LRRC9: variants seen among roughly 807,000 people sequenced by gnomAD.
The protein encoded by LRRC9 is leucine-rich repeat-containing protein 9.
In LRRC9, 122 loss-of-function variants were observed where a neutral mutation model predicts 63.2. The observed-to-expected ratio is 1.93, with a 90% CI of 1.67 to 2.24. LRRC9 has a LOEUF of 2.24. Ranked by LOEUF, LRRC9 falls within the 30% of genes most tolerant of loss-of-function variation. The probability of loss-of-function intolerance (pLI) is 0.00; values close to 1 mark genes in which losing one functional copy is unlikely to be tolerated. For synonymous variants in LRRC9, 366 were observed against 213.1 expected, an observed-to-expected ratio of 1.72 and a Z score of -6.25; for missense variants, 1,071 against 627.7, an observed-to-expected ratio of 1.71 and a Z score of -7.55.
chr14:59,939,435 T>C (rs959596488), intron 7 of LRRC9, among the ~76,000 whole-genome samples: 2 of 151,946 alleles, frequency 1.3e-5, no homozygotes, highest in African/African-American at 4.8e-5. Context: ...GGGACTAAGA[T>C]GACTTATGTT....
At chr14:59,997,578 T>C in intron 17 of LRRC9, 78 bp from the exon 18 acceptor site, 1 of 603,610 alleles carries the variant, frequency 1.7e-6, no homozygotes, top group Non-Finnish European at 3.0e-6. Flanking sequence ...GTAAAGTATG[T>C]AAAGAACCAC....
rs151142769 is a variant in LRRC9, at chr14:60,001,116, G to A, written c.2530-850G>A. 4.9e-3 allele frequency among the ~76,000 whole-genome samples: 747 copies of A among 152,190 alleles called. 13 individuals carry two copies. The highest frequency in any genetic ancestry group is 0.017 in the African/African-American group (707 of 41,536). ...GTTGTTGCAAGAATATGAAGTAAAA[G>A]TGTAATTTTTCTGAAGTGGTACAAC... On this transcript the variant is annotated intron_variant, in intron 19 of 31. Coordinates refer to ENST00000445360, the Ensembl canonical transcript of LRRC9.
chr14:59,979,874 G>A (rs1886741810), intron 15 of LRRC9, among the ~76,000 whole-genome samples: 1 of 150,684 alleles, frequency 6.6e-6, no homozygotes, highest in South Asian at 2.1e-4. Context: ...GCTAAATGAC[G>A]AGTTAATGGG....
intron 23 of LRRC9, among the ~76,000 whole-genome samples, chr14:60,009,808 G>C (rs550226992): frequency 1.3e-5 from 2 of 152,294 alleles, no homozygotes; most frequent in East Asian, 3.9e-4. Context: ...TTCCAAATGG[G>C]AGAAATGGGC....
At position 60,053,193 on chromosome 14, in the gene LRRC9, A is replaced by G; in HGVS notation, c.4119A>G (p.Ala1373=). The change falls in exon 30 of 32, where the codon GCA becomes GCG. Residue 1373 remains alanine, a synonymous_variant. Coordinates refer to ENST00000445360, the Ensembl canonical transcript of LRRC9. The surrounding 1 kb of genome is among the most constrained non-coding windows in gnomAD (Gnocchi z 4.8). ...AATTTCACCTCGCTGAACTACAAGC[A>G]AAGAAAAACTCGGTAATAATTATAT... The G allele has an allele frequency of 2.9e-6, 2 of 698,992 alleles. No homozygotes were observed. The highest frequency in any genetic ancestry group is 5.2e-6 in the Non-Finnish European group (2 of 383,220). 43.3% of individuals were successfully genotyped at this position (698,992 alleles called of 1,614,324 possible).
Position 59,964,032 on chromosome 14 carries a change from T to C in LRRC9, c.1212-2557T>C, listed in dbSNP as rs1028459800. 2.6e-5 allele frequency among the ~76,000 whole-genome samples: 4 copies of C among 152,200 alleles called. No individual in the cohort carries two copies. The highest frequency in any genetic ancestry group is 2.1e-4 in the South Asian group (1 of 4,834). ...ATTGATATATATCATTGTGAATGTT[T>C]ATACCTTCAAGTACCACTGAATGAA... On this transcript the variant is annotated intron_variant, in intron 10 of 31. Transcript: ENST00000445360. This position sits in a 1 kb window ranked among gnomAD's most constrained non-coding sequence, Gnocchi z 4.4.
rs1025285250 is a variant in LRRC9, at chr14:60,021,030, T to C, written c.3567-1704T>C. ...ACCTATGAGTGGAATGGTTGGGTCA[T>C]ACAGTAACTTAACATTTAGCTATTT... On this transcript the variant is annotated intron_variant, in intron 26 of 31. Coordinates refer to ENST00000445360, the Ensembl canonical transcript of LRRC9. 2.0e-5 allele frequency among the ~76,000 whole-genome samples: 3 copies of C among 151,954 alleles called. No homozygotes were observed. In the East Asian group the frequency reaches 5.8e-4, roughly 29 times the overall value.
rs927426494 is a variant in LRRC9 at position 60,042,787 on chromosome 14, C to T, written c.3991-10278C>T. 4.6e-5 allele frequency among the ~76,000 whole-genome samples: 7 copies of T among 152,178 alleles called. No individual in the cohort carries two copies. Among genetic ancestry groups the T allele is most frequent in the Non-Finnish European group, 7.4e-5 (5 of 68,024 alleles). ...AGCCCCAGTGAGATGAACACAGTAC[C>T]TCAGTTGGAAATGCAGAAATCACCC... On this transcript the variant is annotated intron_variant, in intron 29 of 31. Transcript: ENST00000445360. The surrounding 1 kb of genome is among the most constrained non-coding windows in gnomAD (Gnocchi z 4.2).
At chr14:60,002,726 G>A (rs186108050) in intron 20 of LRRC9, among the ~76,000 whole-genome samples, 141 of 152,270 alleles carry the variant, frequency 9.3e-4, no homozygotes, top group Middle Eastern at 3.4e-3. Context: ...CCTTGACTGC[G>A]TTCGCCACAG....
chr14:59,931,018 AG>A lies in LRRC9; in HGVS notation c.370del (p.Val124PhefsTer4). The A allele has an allele frequency of 2.3e-6, 1 of 436,730 alleles. No individual in the cohort carries two copies. The highest frequency in any genetic ancestry group is 4.1e-6 in the Non-Finnish European group (1 of 241,218). 27.1% of individuals were successfully genotyped at this position (436,730 alleles called of 1,614,324 possible). A position where few individuals can be genotyped will look rare whatever the true frequency, so the allele number is the denominator to read the frequency against. Reference sequence around the variant, plus strand: ...AATTTAGAGAAATTAATCAAATTGAAGGTTCTTTGGCTGAACCACAATACAA... The same window carrying A: ...AATTTAGAGAAATTAATCAAATTGAAGTTCTTTGGCTGAACCACAATACAA... On this transcript the variant is annotated frameshift_variant, in exon 4 of 32. Transcript: ENST00000445360. LOFTEE classifies it high-confidence loss of function.
In LRRC9 at chr14:60,022,947, A is replaced by C. The variant is rs191272146; in HGVS notation, c.3703+77A>C. 1,762 of 439,326 alleles carry C rather than the reference A, an allele frequency of 4.0e-3. 4 individuals are homozygous for C. Among genetic ancestry groups the C allele is most frequent in the Middle Eastern group, 0.018 (44 of 2,466 alleles). 27.2% of individuals were successfully genotyped at this position (439,326 alleles called of 1,614,324 possible). ...TATCATCATTCTGTTTTGATAAGCAAATATAAGCATCAGTATTTACTCAAA... is the reference window on the plus strand; with the variant it reads ...TATCATCATTCTGTTTTGATAAGCACATATAAGCATCAGTATTTACTCAAA... On this transcript the variant is annotated intron_variant, in intron 27 of 31. Transcript: ENST00000445360.
chr14:59,993,287 G>T (rs1159159109), intron 17 of LRRC9, among the ~76,000 whole-genome samples: 1 of 152,152 alleles, frequency 6.6e-6, no homozygotes, highest in Non-Finnish European at 1.5e-5. Context: ...CACCAGGCCT[G>T]CCCTACAAGA....
intron 29 of LRRC9, among the ~76,000 whole-genome samples, chr14:60,052,847 G>A (rs892557326): frequency 6.6e-6 from 1 of 152,138 alleles, no homozygotes; most frequent in African/African-American, 2.4e-5. Context: ...ACTTTAAAAG[G>A]AGGCTGAACC....
In LRRC9 at chr14:60,036,880, A is replaced by G. The variant is rs138298369; in HGVS notation, c.3990+4817A>G. On this transcript the variant is annotated intron_variant, in intron 29 of 31. Transcript: ENST00000445360. ...TGCTGCACCCGTTAACTTGTCATTT[A>G]CATTAGGTATATCTCCTAATGCTAT... Among the ~76,000 whole-genome samples, 512 of 152,112 alleles carry G rather than the reference A, an allele frequency of 3.4e-3. 18 individuals carry two copies. The East Asian group carries it at 0.057, about 17-fold the overall frequency.
At chr14:60,019,907 C>T (rs1890990361) in intron 26 of LRRC9, among the ~76,000 whole-genome samples, 2 of 151,492 alleles carry the variant, frequency 1.3e-5, no homozygotes, top group Admixed American at 6.6e-5. Context: ...ATCTCCAAAT[C>T]AGAATGCTTT....
chr14:59,965,130 C>T (rs1316295811), intron 10 of LRRC9, among the ~76,000 whole-genome samples: 3 of 152,092 alleles, frequency 2.0e-5, no homozygotes, highest in Admixed American at 6.5e-5. Context: ...CAAAATGATC[C>T]GTTTTTCAAT....
At position 59,942,832 on chromosome 14, in the gene LRRC9, T is replaced by G. The variant is rs749389374; in HGVS notation, c.727-1757T>G. Among the ~76,000 whole-genome samples the G allele has an allele frequency of 1.3e-5, 2 of 152,162 alleles. No individual in the cohort carries two copies. The highest frequency in any genetic ancestry group is 2.9e-5 in the Non-Finnish European group (2 of 68,022). ...CCATTCTAACTAGGTGAGATTATATTGTGATTTTTATTTGCATTTCCATGA... is the reference window on the plus strand; with the variant it reads ...CCATTCTAACTAGGTGAGATTATATGGTGATTTTTATTTGCATTTCCATGA... On this transcript the variant is annotated intron_variant, in intron 7 of 31. Coordinates refer to ENST00000445360, the Ensembl canonical transcript of LRRC9. The surrounding 1 kb of genome is among the most constrained non-coding windows in gnomAD (Gnocchi z 5.3).
chr14:60,056,958 T>C (rs1251564214), intron 30 of LRRC9, among the ~76,000 whole-genome samples: 3 of 152,148 alleles, frequency 2.0e-5, no homozygotes, highest in South Asian at 2.1e-4. Flanking sequence ...CAGAAGGAAA[T>C]TTGACAGCAT....
intron 8 of LRRC9, among the ~76,000 whole-genome samples, chr14:59,956,031 C>T (rs1446245805): frequency 6.6e-6 from 1 of 152,100 alleles, no homozygotes; most frequent in African/African-American, 2.4e-5. Context: ...CATTCATTTG[C>T]ATTTGCTCAG....
Sources: gnomAD v4.1 joint callset for allele counts (sites outside exome capture counted in the v4.1 genomes callset) on GRCh38, gnomAD v4.1.1 for gene constraint, Gnocchi (gnomAD v3.1) non-coding constraint, MANE v1.5 for transcripts, NCBI Gene and HGNC (gene_info 2026-07-23, HGNC 2026-07-21) for gene names.